Variants in SLC4A10 observed in about 807,000 individuals in gnomAD.
The protein encoded by SLC4A10 is sodium-driven chloride bicarbonate exchanger.
SLC4A10 carries 42 observed loss-of-function variants against 137.7 expected under a neutral mutation model. The observed-to-expected ratio is 0.30, with a 90% CI of 0.24 to 0.39. SLC4A10 has a LOEUF of 0.39. SLC4A10 is among the 10% of genes least tolerant of loss of function. SLC4A10 has a pLI of 1.00. For synonymous variants in SLC4A10, 474 were observed against 464.1 expected (o/e 1.02, Z -0.27); for missense variants, 925 against 1,355.0 (o/e 0.68, Z 4.98).
intron 4 of SLC4A10, among the ~76,000 whole-genome samples, chr2:161,840,807 G>A (rs2059132992): frequency 6.6e-6 from 1 of 152,202 alleles, no homozygotes; most frequent in Non-Finnish European, 1.5e-5. Context: ...TGTTTAAAAT[G>A]TAGACTTAGT....
intron 15 of SLC4A10, among the ~76,000 whole-genome samples, chr2:161,920,462 A>G (rs77509057): frequency 0.015 from 2,292 of 152,362 alleles, 53 homozygotes; most frequent in African/African-American, 0.052. Flanking sequence ...TATTGTATTA[A>G]TACCAAACTT....
intron 23 of SLC4A10, 47 bp downstream of exon 23, chr2:161,965,220 G>C (rs1408265584): frequency 2.6e-6 from 4 of 1,533,438 alleles, no homozygotes; most frequent in Non-Finnish European, 3.5e-6. Context: ...AAGGAACATA[G>C]TAATATTTCT....
intron 26 of SLC4A10, among the ~76,000 whole-genome samples, chr2:161,982,902 A>G (rs1433207205): frequency 6.6e-6 from 1 of 152,170 alleles, no homozygotes; most frequent in Non-Finnish European, 1.5e-5. Context: ...CATGGTATTA[A>G]TCTTGCATGT....
At chr2:161,916,619 T>G (rs912652724) in intron 15 of SLC4A10, among the ~76,000 whole-genome samples, 1 of 152,216 alleles carries the variant, frequency 6.6e-6, no homozygotes, top group African/African-American at 2.4e-5. Context: ...TGTTCCCCAG[T>G]GCCTCTCTTC....
intron 15 of SLC4A10, among the ~76,000 whole-genome samples, chr2:161,908,502 G>C (rs1685009866): frequency 6.7e-6 from 1 of 149,870 alleles, no homozygotes; most frequent in South Asian, 2.1e-4. Context: ...CGAGTTGATG[G>C]GTGCAGCACA....
At chr2:161,861,146 T>C (rs1343526584) in intron 5 of SLC4A10, among the ~76,000 whole-genome samples, 1 of 152,154 alleles carries the variant, frequency 6.6e-6, no homozygotes, top group East Asian at 1.9e-4. Context: ...TGTCTTTCTC[T>C]GGTTTAGAGA....
rs2062034569 is a variant in SLC4A10, at chr2:161,884,124, C to CT, written c.1194+1681dup. On this transcript the variant is annotated intron_variant, in intron 10 of 26. Coordinates refer to ENST00000446997, the MANE Select transcript of SLC4A10 (RefSeq NM_001178015.2). The stretch of plus-strand genomic sequence containing the variant: ...TAGCAGAACTCTCTCTGAGAAAACA[C>CT]TCACAGTATAAAAGCTCTTAGTATT... Among the ~76,000 whole-genome samples the CT allele has an allele frequency of 3.9e-5, 6 of 152,136 alleles. No homozygotes were observed. In the South Asian group the frequency reaches 1.0e-3, roughly 26 times the overall value.
intron 26 of SLC4A10, among the ~76,000 whole-genome samples, chr2:161,982,374 T>A (rs1167860934): frequency 6.6e-6 from 1 of 152,072 alleles, no homozygotes; most frequent in Non-Finnish European, 1.5e-5. Context: ...CCATGAAAAA[T>A]TGTCAGCATG....
chr2:161,973,447 A>G (rs1194598301), intron 23 of SLC4A10, among the ~76,000 whole-genome samples: 1 of 152,222 alleles, frequency 6.6e-6, no homozygotes, highest in Non-Finnish European at 1.5e-5. Context: ...TTAAAATCCT[A>G]TGTATGAAGA....
chr2:161,902,850 G>T (rs956216403), intron 12 of SLC4A10, among the ~76,000 whole-genome samples: 1 of 152,040 alleles, frequency 6.6e-6, no homozygotes, highest in Admixed American at 6.6e-5. Flanking sequence ...TTCTAGGACT[G>T]CCAAATGAAT....
chr2:161,767,422 T>C (rs186963844), intron 1 of SLC4A10, among the ~76,000 whole-genome samples: 13 of 151,588 alleles, frequency 8.6e-5, no homozygotes, highest in Non-Finnish European at 1.6e-4. Flanking sequence ...CTTAACCATA[T>C]ACCTCACACC....
chr2:161,674,681 TTATATA>T (rs1376115694), intron 1 of SLC4A10, among the ~76,000 whole-genome samples: 1 of 152,184 alleles, frequency 6.6e-6, no homozygotes, highest in African/African-American at 2.4e-5. Context: ...CATGGTCTGT[TTATATA>T]TACCCTGATT....
At position 161,789,022 on chromosome 2, in the gene SLC4A10, T is replaced by A. The variant is rs562077175; in HGVS notation, c.131-15427T>A. On this transcript the variant is annotated intron_variant, in intron 2 of 26. Transcript: ENST00000446997. ...GCCAAAGTCAGAAGGGGTTCTGAGG[T>A]ATGTTTGCAGGGGATCTTGTAGTGT... Among the ~76,000 whole-genome samples, 19 of 152,212 alleles carry A rather than the reference T, an allele frequency of 1.2e-4. No homozygotes were observed. In the South Asian group the frequency reaches 3.9e-3, roughly 32 times the overall value.
At chr2:161,819,311 T>C (rs1032046556) in intron 3 of SLC4A10, among the ~76,000 whole-genome samples, 1 of 152,122 alleles carries the variant, frequency 6.6e-6, no homozygotes, top group African/African-American at 2.4e-5. Flanking sequence ...GTCTGTGTGG[T>C]AGTGGTGGTG....
intron 21 of SLC4A10, among the ~76,000 whole-genome samples, chr2:161,962,100 T>A (rs1219778125): frequency 6.6e-6 from 1 of 152,222 alleles, no homozygotes; most frequent in African/African-American, 2.4e-5. Context: ...ATATAATCAG[T>A]TCCAGCAGCA....
At chr2:161,815,207 C>G (rs1242567150) in intron 3 of SLC4A10, among the ~76,000 whole-genome samples, 1 of 152,030 alleles carries the variant, frequency 6.6e-6, no homozygotes, top group Admixed American at 6.6e-5. Context: ...AATCTCATCT[C>G]CATTTATAAT....
chr2:161,673,562 A>G (rs2039966429), intron 1 of SLC4A10, among the ~76,000 whole-genome samples: 1 of 152,232 alleles, frequency 6.6e-6, no homozygotes, highest in Non-Finnish European at 1.5e-5. Flanking sequence ...AAACAGATTA[A>G]ATAAACAATG....
intron 11 of SLC4A10, among the ~76,000 whole-genome samples, chr2:161,895,030 A>T (rs531198163): frequency 6.6e-6 from 1 of 151,032 alleles, no homozygotes; most frequent in Admixed American, 6.6e-5. Context: ...GTCATTTAGC[A>T]TTAGGTATAT....
chr2:161,691,590 C>A (rs2042004700), intron 1 of SLC4A10, among the ~76,000 whole-genome samples: 1 of 152,022 alleles, frequency 6.6e-6, no homozygotes. Flanking sequence ...ATATATACAA[C>A]TACTGTGTAC....
Sources: gnomAD v4.1 joint callset for allele counts (sites outside exome capture counted in the v4.1 genomes callset) on GRCh38, gnomAD v4.1.1 for gene constraint, MANE v1.5 for transcripts, NCBI Gene and HGNC (gene_info 2026-07-23, HGNC 2026-07-21) for gene names.